Variants in SUMF1 observed in about 807,000 individuals in gnomAD.
SUMF1 encodes the protein sulfatase modifying factor 1.
A neutral mutation model predicts 47.6 loss-of-function variants in SUMF1; 48 were observed. The observed-to-expected ratio is 1.01, with a 90% CI of 0.80 to 1.28. The LOEUF (loss-of-function observed/expected upper bound fraction) is 1.28, where lower values mean the gene tolerates loss of function less well. Among genes scored for constraint, SUMF1 ranks in the 50% most tolerant of loss-of-function variants. SUMF1 has a pLI of 0.00. For missense variants in SUMF1, 571 were observed against 485.4 expected, an observed-to-expected ratio of 1.18 and a Z score of -1.66; for synonymous variants, 230 against 192.1, an observed-to-expected ratio of 1.20 and a Z score of -1.63.
chr3:4,391,236 T>A lies in SUMF1; in HGVS notation c.955-14847A>T, dbSNP rs558894090. ...GTCAATATGATTTGTCCAGGTGTGGTTTTTTGTTTTTGTTTTTGTTTTTGT... is the reference window on the plus strand; with the variant it reads ...GTCAATATGATTTGTCCAGGTGTGGATTTTTGTTTTTGTTTTTGTTTTTGT... On this transcript the variant is annotated intron_variant, in intron 7 of 8. Transcript: ENST00000272902. Among the ~76,000 whole-genome samples the A allele has an allele frequency of 2.8e-4, 42 of 152,158 alleles. 1 individual carries two copies. In the South Asian group the frequency reaches 8.7e-3, roughly 32 times the overall value.
chr3:4,302,161 G>C (rs1194092303), intron 8 of SUMF1, among the ~76,000 whole-genome samples: 1 of 152,218 alleles, frequency 6.6e-6, no homozygotes, highest in South Asian at 2.1e-4. Flanking sequence ...CCAAGCTTAA[G>C]AATGCGCCCC....
intron 8 of SUMF1, among the ~76,000 whole-genome samples, chr3:4,274,939 GA>G (rs1697381656): frequency 6.6e-6 from 1 of 152,096 alleles, no homozygotes; most frequent in African/African-American, 2.4e-5. Flanking sequence ...CTGGACAAAG[GA>G]AAAAGTCCAA....
Position 4,362,078 on chromosome 3 carries a change from C to A in SUMF1, c.*66G>T. 1.4e-6 allele frequency: 2 copies of A among 1,481,462 alleles called. No homozygotes were observed. The highest frequency in any genetic ancestry group is 2.3e-5 in the South Asian group (2 of 87,810). The allele number at this position is 1,481,462 out of a possible 1,614,324, so 91.8% of individuals were successfully genotyped here. ...TCTTTGCATGGGATCGTTCAAAGTT[C>A]TGAGAAAAGCCCAATGTAGGTCAGA... On this transcript the variant is annotated 3_prime_UTR_variant, in exon 9 of 9. Coordinates refer to ENST00000272902, the MANE Select transcript of SUMF1 (RefSeq NM_182760.4).
chr3:4,179,543 G>T (rs966237166), intron 8 of SUMF1, among the ~76,000 whole-genome samples: 7 of 152,054 alleles, frequency 4.6e-5, no homozygotes, highest in Admixed American at 3.9e-4. Flanking sequence ...ATTCAAGATG[G>T]ATTAAAGACT....
At chr3:4,364,681 G>A (rs1445681424) in intron 8 of SUMF1, among the ~76,000 whole-genome samples, 5 of 150,052 alleles carry the variant, frequency 3.3e-5, no homozygotes, top group Non-Finnish European at 7.5e-5. Context: ...ACCAGCTCCT[G>A]GATTCATTAA....
intron 9 of SUMF1, among the ~76,000 whole-genome samples, chr3:4,045,888 T>C (rs1021613758): frequency 1.3e-5 from 2 of 152,046 alleles, no homozygotes; most frequent in Admixed American, 6.6e-5. Flanking sequence ...ATGACTGAGA[T>C]AAAGAATGAT....
At chr3:4,047,899 T>C (rs1695033025) in intron 9 of SUMF1, among the ~76,000 whole-genome samples, 1 of 152,118 alleles carries the variant, frequency 6.6e-6, no homozygotes, top group Non-Finnish European at 1.5e-5. Context: ...CTGTATTAAA[T>C]ATCTTACATG....
chr3:4,054,883 G>A (rs891317530), intron 9 of SUMF1, among the ~76,000 whole-genome samples: 11 of 152,134 alleles, frequency 7.2e-5, no homozygotes, highest in African/African-American at 2.7e-4. Flanking sequence ...GGTGTTCTAA[G>A]TATCCCCATG....
intron 9 of SUMF1, among the ~76,000 whole-genome samples, chr3:4,065,075 T>C (rs1695346071): frequency 6.6e-6 from 1 of 152,142 alleles, no homozygotes; most frequent in African/African-American, 2.4e-5. Flanking sequence ...TGATTTATGG[T>C]ATGTAAAGTT....
chr3:4,300,639 G>C (rs547228465), intron 8 of SUMF1, among the ~76,000 whole-genome samples: 1 of 152,112 alleles, frequency 6.6e-6, no homozygotes, highest in Non-Finnish European at 1.5e-5. Context: ...TCCCTTCTGG[G>C]ATAACTAAGT....
intron 8 of SUMF1, among the ~76,000 whole-genome samples, chr3:4,188,800 T>C (rs994239160): frequency 6.6e-6 from 1 of 152,206 alleles, no homozygotes; most frequent in Admixed American, 6.5e-5. Flanking sequence ...AGCTCATCCA[T>C]GTAAAACATT....
chr3:4,120,506 ATCT>A (rs1349043442), intron 8 of SUMF1, among the ~76,000 whole-genome samples: 2 of 152,150 alleles, frequency 1.3e-5, no homozygotes, highest in African/African-American at 2.4e-5. Context: ...CTAAAATACC[ATCT>A]TCTTTGTCTA....
At chr3:4,427,883 A>T (rs1436948147) in intron 3 of SUMF1, among the ~76,000 whole-genome samples, 1 of 152,174 alleles carries the variant, frequency 6.6e-6, no homozygotes, top group African/African-American at 2.4e-5. Flanking sequence ...CTTAAAAGTG[A>T]TCTAGTTTAC....
intron 1 of SUMF1, among the ~76,000 whole-genome samples, chr3:4,456,892 A>C (rs1219513650): frequency 2.4e-5 from 3 of 123,860 alleles, no homozygotes; most frequent in Non-Finnish European, 3.5e-5. Context: ...GTGTGTATAT[A>C]TATGTGTGTG....
intron 8 of SUMF1, among the ~76,000 whole-genome samples, chr3:4,131,713 C>A (rs1030439155): frequency 6.6e-6 from 1 of 152,226 alleles, no homozygotes; most frequent in East Asian, 1.9e-4. Context: ...CGTGGATGAA[C>A]CTCTCTGAGT....
At chr3:4,368,364 T>C (rs1465919627) in intron 8 of SUMF1, among the ~76,000 whole-genome samples, 1 of 152,164 alleles carries the variant, frequency 6.6e-6, no homozygotes, top group Non-Finnish European at 1.5e-5. Context: ...TGTGGAGAAA[T>C]AGAGACACTT....
chr3:4,287,123 A>G (rs1697647967), intron 8 of SUMF1, among the ~76,000 whole-genome samples: 2 of 152,160 alleles, frequency 1.3e-5, no homozygotes, highest in South Asian at 4.1e-4. Flanking sequence ...TGTGTGCTAT[A>G]TGTTCCTGAG....
chr3:4,157,142 T>C (rs745624519), intron 8 of SUMF1, among the ~76,000 whole-genome samples: 10 of 151,580 alleles, frequency 6.6e-5, no homozygotes, highest in Non-Finnish European at 1.5e-4. Flanking sequence ...TTTAATTTCT[T>C]GGTGTTTGGT....
chr3:4,375,829 A>C (rs1216671896), intron 8 of SUMF1, among the ~76,000 whole-genome samples: 1 of 152,240 alleles, frequency 6.6e-6, no homozygotes, highest in Non-Finnish European at 1.5e-5. Flanking sequence ...CTAAAATCAT[A>C]GCCCAAAGAG....
Sources: gnomAD v4.1 joint callset for allele counts (sites outside exome capture counted in the v4.1 genomes callset) on GRCh38, gnomAD v4.1.1 for gene constraint, MANE v1.5 for transcripts, NCBI Gene and HGNC (gene_info 2026-07-23, HGNC 2026-07-21) for gene names.